The following GLTP variants were observed in gnomAD, a reference collection of about 807,000 sequenced individuals.
GLTP encodes glycolipid transfer protein.
In GLTP, 22 loss-of-function variants were observed where a neutral mutation model predicts 24.0. That is an observed-to-expected ratio of 0.92 (90% confidence interval 0.65 to 1.31). The LOEUF (loss-of-function observed/expected upper bound fraction) is 1.31, where lower values mean the gene tolerates loss of function less well. Among genes scored for constraint, GLTP ranks in the 50% most tolerant of loss-of-function variants. The pLI, the probability that GLTP is intolerant of heterozygous loss-of-function variation, is 0.00. For synonymous variants in GLTP, 92 were observed against 115.9 expected (o/e 0.79, Z 1.33); for missense variants, 224 against 276.6 (o/e 0.81, Z 1.35).
At chr12:109,878,489 G>A (rs1028290117) in intron 1 of GLTP, among the ~76,000 whole-genome samples, 5 of 152,004 alleles carry the variant, frequency 3.3e-5, no homozygotes, top group African/African-American at 1.2e-4. Flanking sequence ...TACCCTAAGG[G>A]GCAAAACTGC....
At chr12:109,869,851 C>T (rs574129451) in intron 1 of GLTP, among the ~76,000 whole-genome samples, 127 of 150,072 alleles carry the variant, frequency 8.5e-4, no homozygotes, top group Non-Finnish European at 1.2e-3. Context: ...CTCACTGCAA[C>T]CTCCACCTCC....
intron 1 of GLTP, among the ~76,000 whole-genome samples, chr12:109,861,247 A>G (rs1376401441): frequency 6.6e-6 from 1 of 152,202 alleles, no homozygotes; most frequent in Non-Finnish European, 1.5e-5. Context: ...AAAGAGGTGC[A>G]TGAGAGAAAC....
intron 1 of GLTP, among the ~76,000 whole-genome samples, chr12:109,869,488 A>C: frequency 8.1e-6 from 1 of 123,274 alleles, no homozygotes; most frequent in Admixed American, 1.0e-4. Flanking sequence ...ACGGAGTCTC[A>C]CTCTGTCGCC....
chr12:109,871,081 C>CTT lies in GLTP; in HGVS notation c.103+9189_103+9190dup, dbSNP rs965998479. 1.1e-3 allele frequency among the ~76,000 whole-genome samples: 127 copies of CTT among 114,412 alleles called. 2 individuals are homozygous for CTT. The highest frequency in any genetic ancestry group is 2.0e-3 in the African/African-American group (58 of 29,158). The allele number at this position is 114,412 out of a possible 152,430, so 75.1% of individuals were successfully genotyped here. On this transcript the variant is annotated intron_variant, in intron 1 of 4. Transcript: ENST00000318348. ...AAGACTAGGACCCAACATTTCCATTCTTTTTTTTTTTTTTTTTTTTTTCTG... is the reference window on the plus strand; with the variant it reads ...AAGACTAGGACCCAACATTTCCATTCTTTTTTTTTTTTTTTTTTTTTTTTCTG...
intron 1 of GLTP, chr12:109,859,666 A>G (rs1401704055): frequency 6.6e-6 from 1 of 151,358 alleles, no homozygotes; most frequent in East Asian, 1.9e-4. Flanking sequence ...ATAAGGATAT[A>G]AAGAATTTTT....
At chr12:109,866,039 A>G (rs1226914314) in intron 1 of GLTP, among the ~76,000 whole-genome samples, 2 of 152,224 alleles carry the variant, frequency 1.3e-5, no homozygotes, top group African/African-American at 4.8e-5. Flanking sequence ...GAGTCTGTGT[A>G]ACAAGGATAA....
intron 1 of GLTP, among the ~76,000 whole-genome samples, chr12:109,861,146 G>C (rs1462513216): frequency 6.6e-6 from 1 of 152,198 alleles, no homozygotes; most frequent in East Asian, 1.9e-4. Flanking sequence ...AGGGCAGAAG[G>C]CTAGGGGTGG....
rs905117934 is a variant in GLTP, at chr12:109,855,171, C to T, written c.447+448G>A. Among the ~76,000 whole-genome samples the T allele has an allele frequency of 4.6e-5, 7 of 152,198 alleles. No individual in the cohort carries two copies. Among genetic ancestry groups the T allele is most frequent in the Non-Finnish European group, 8.8e-5 (6 of 68,036 alleles). ...CCTCCAGGAGCCCTGGCCAATGTCACCCCAACACAAGCCACCAAGAACCCA... is the reference window on the plus strand; with the variant it reads ...CCTCCAGGAGCCCTGGCCAATGTCATCCCAACACAAGCCACCAAGAACCCA... On this transcript the variant is annotated intron_variant, in intron 4 of 4. Transcript: ENST00000318348. The surrounding 1 kb of genome is among the most constrained non-coding windows in gnomAD (Gnocchi z 4.1).
chr12:109,852,467 C>G lies in GLTP; in HGVS notation c.*88G>C. 2.4e-6 allele frequency: 2 copies of G among 840,934 alleles called. No individual in the cohort carries two copies. The highest frequency in any genetic ancestry group is 3.3e-5 in the African/African-American group (2 of 60,286). The allele number at this position is 840,934 out of a possible 1,614,324, so 52.1% of individuals were successfully genotyped here. A position where few individuals can be genotyped will look rare whatever the true frequency, so the allele number is the denominator to read the frequency against. ...TGCTCTGGGGGACACAGGCCAGGGG[C>G]AGTTCACCGACTTGATTCACAGTGA... On this transcript the variant is annotated 3_prime_UTR_variant, in exon 5 of 5. Transcript: ENST00000318348.
At chr12:109,866,012 G>A (rs1180275693) in intron 1 of GLTP, among the ~76,000 whole-genome samples, 1 of 152,098 alleles carries the variant, frequency 6.6e-6, no homozygotes, top group African/African-American at 2.4e-5. Context: ...CAAACAACTA[G>A]GGGGGCAGAG....
intron 1 of GLTP, 43 bp from the exon 2 acceptor site, chr12:109,858,784 G>T: frequency 7.0e-7 from 1 of 1,425,084 alleles, no homozygotes; most frequent in Non-Finnish European, 9.9e-7. Context: ...CGCAGCAAGA[G>T]TGATTTTTCA....
intron 1 of GLTP, among the ~76,000 whole-genome samples, chr12:109,859,232 A>T (rs900891241): frequency 6.6e-6 from 1 of 152,112 alleles, no homozygotes; most frequent in African/African-American, 2.4e-5. Context: ...TTAAAAAAAA[A>T]TTTTTGGCCT....
At chr12:109,877,615 G>T (rs992448996) in intron 1 of GLTP, among the ~76,000 whole-genome samples, 7 of 152,118 alleles carry the variant, frequency 4.6e-5, no homozygotes, top group Admixed American at 3.9e-4. Context: ...CCAAATGTTG[G>T]CAAGTGCCAT....
intron 1 of GLTP, among the ~76,000 whole-genome samples, chr12:109,869,339 A>AAG (rs1385248987): frequency 2.3e-4 from 35 of 150,010 alleles, no homozygotes; most frequent in Non-Finnish European, 4.6e-4. Context: ...GAAAGAAAGA[A>AAG]AGAGAAAGAA....
intron 1 of GLTP, among the ~76,000 whole-genome samples, chr12:109,871,377 G>A (rs1325252199): frequency 1.3e-4 from 20 of 152,106 alleles, no homozygotes; most frequent in African/African-American, 3.4e-4. Flanking sequence ...GAGCCACTGC[G>A]CCCGGCCCCA....
chr12:109,878,748 G>A (rs558164467), intron 1 of GLTP, among the ~76,000 whole-genome samples: 68 of 152,312 alleles, frequency 4.5e-4, no homozygotes, highest in African/African-American at 1.5e-3. Context: ...TGTGCATTCA[G>A]CAGTATTGAC....
rs767629735 is a variant in GLTP, at chr12:109,857,644, A to G, written c.178T>C (p.Tyr60His). Residue 60 changes from tyrosine (Y) to histidine (H), a missense_variant, in exon 3 of 5, where the codon TAC becomes CAC. Physicochemically the swap from Tyr to His is moderately conservative, Grantham distance 83. Coordinates refer to ENST00000318348, the MANE Select transcript of GLTP (RefSeq NM_016433.4). This position sits in a 1 kb window ranked among gnomAD's most constrained non-coding sequence, Gnocchi z 4.3. ...SGNITKIKAV[Y>H]DTNPAKFRTL... ...CGGAACTTGGCTGGGTTGGTGTCGT[A>G]CACAGCTTTGATTTTCTGAAATGGA... 2 of 1,614,016 alleles carry G rather than the reference A, an allele frequency of 1.2e-6. No individual in the cohort carries two copies. The highest frequency in any genetic ancestry group is 1.3e-5 in the African/African-American group (1 of 74,900).
At chr12:109,852,816 AG>A (rs2136762260) in intron 4 of GLTP, 79 bp from the exon 5 acceptor site, 1 of 891,360 alleles carries the variant, frequency 1.1e-6, no homozygotes, top group South Asian at 1.5e-5. Flanking sequence ...GGGTTCTGGG[AG>A]GGGTCTTCCC....
chr12:109,857,770 C>T lies in GLTP; in HGVS notation c.163-111G>A, dbSNP rs1892818631. Reference sequence around the variant, plus strand: ...GGCATCTCCTGCTCCTTCCTGCCCTCCAGGAACAGCAGGGATAAGACTTGT... The same window carrying T: ...GGCATCTCCTGCTCCTTCCTGCCCTTCAGGAACAGCAGGGATAAGACTTGT... On this transcript the variant is annotated intron_variant, in intron 2 of 4. Transcript: ENST00000318348. This position sits in a 1 kb window ranked among gnomAD's most constrained non-coding sequence, Gnocchi z 4.3. 1 of 1,051,632 alleles carries T rather than the reference C, an allele frequency of 9.5e-7. No homozygotes were observed. The allele number at this position is 1,051,632 out of a possible 1,614,324, so 65.1% of individuals were successfully genotyped here. A position where few individuals can be genotyped will look rare whatever the true frequency, so the allele number is the denominator to read the frequency against.
Sources: allele counts gnomAD v4.1 joint callset (sites outside exome capture counted in the v4.1 genomes callset), GRCh38; gene constraint gnomAD v4.1.1; non-coding constraint Gnocchi (gnomAD v3.1); transcripts MANE v1.5; gene names NCBI Gene and HGNC (gene_info 2026-07-23, HGNC 2026-07-21).